The following POU2F2 variants were observed in gnomAD, a reference collection of about 807,000 sequenced individuals.
POU2F2 encodes the protein POU class 2 homeobox 2.
Under a neutral mutation model 63.5 loss-of-function variants are expected in POU2F2, and 14 were observed. The observed-to-expected ratio is 0.22, with a 90% CI of 0.15 to 0.34. The LOEUF is 0.34. Ranked by LOEUF, POU2F2 falls within the 10% of genes least tolerant of loss-of-function variation. The pLI is 1.00. For synonymous variants in POU2F2, 306 were observed against 348.6 expected (o/e 0.88, Z 1.36); for missense variants, 607 against 815.2 (o/e 0.74, Z 3.11).
In POU2F2 at chr19:42,122,392, G is replaced by A. The variant is rs901421277; in HGVS notation, c.95-14C>T. The A allele has an allele frequency of 4.3e-6, 7 of 1,612,442 alleles. No individual in the cohort carries two copies. The highest frequency in any genetic ancestry group is 5.9e-6 in the Non-Finnish European group (7 of 1,179,464). On this transcript the variant is annotated splice_polypyrimidine_tract_variant and intron_variant, in intron 2 of 14. Coordinates refer to ENST00000692977, the MANE Select transcript of POU2F2 (RefSeq NM_001394376.1). ...TTCTTTCGGTGTCTGCAAAGAGAGG[G>A]AAAGGATGTGTTGTCATCAGCCACC...
intron 2 of POU2F2, among the ~76,000 whole-genome samples, chr19:42,146,606 C>T (rs1394776752): frequency 6.6e-6 from 1 of 152,190 alleles, no homozygotes; most frequent in Non-Finnish European, 1.5e-5. Context: ...TACTCGCTCC[C>T]TACACCACCT....
At chr19:42,154,554 A>C (rs1426189912) in intron 2 of POU2F2, among the ~76,000 whole-genome samples, 1 of 152,042 alleles carries the variant, frequency 6.6e-6, no homozygotes, top group African/African-American at 2.4e-5. Flanking sequence ...ATAAAGAGAG[A>C]ACGGGGGCCA....
At position 42,099,698 on chromosome 19, in the gene POU2F2, C is replaced by G. The variant is rs1216039838; in HGVS notation, c.475+18G>C. The stretch of plus-strand genomic sequence containing the variant: ...TCTGTGGAGGCGTCAGGGAGGCCAT[C>G]TGGGGTGGGGGCCTTACCTGGCTGG... On this transcript the variant is annotated intron_variant, in intron 6 of 14. Transcript: ENST00000692977. 1 of 1,599,350 alleles carries G rather than the reference C, an allele frequency of 6.3e-7. No individual in the cohort carries two copies. Among genetic ancestry groups the G allele is most frequent in the Admixed American group, 1.7e-5 (1 of 57,290 alleles).
intron 1 of POU2F2, among the ~76,000 whole-genome samples, chr19:42,188,860 A>AAG (rs781367803): frequency 6.9e-6 from 1 of 144,878 alleles, no homozygotes; most frequent in Non-Finnish European, 1.5e-5. Flanking sequence ...AAGAGAGAGA[A>AAG]AGAAAGAAAG....
chr19:42,116,050 C>G (rs1279818510), intron 5 of POU2F2, among the ~76,000 whole-genome samples: 4 of 152,178 alleles, frequency 2.6e-5, no homozygotes, highest in Non-Finnish European at 5.9e-5. Context: ...TGGGAGGCTT[C>G]AGAGAGAGCA....
intron 2 of POU2F2, among the ~76,000 whole-genome samples, chr19:42,138,883 C>G (rs1455635959): frequency 6.6e-6 from 1 of 152,152 alleles, no homozygotes; most frequent in Non-Finnish European, 1.5e-5. Context: ...CAGAAGTCAG[C>G]AGATGCTTAA....
At chr19:42,191,128 T>C (rs1368289230) in intron 1 of POU2F2, among the ~76,000 whole-genome samples, 1 of 150,638 alleles carries the variant, frequency 6.6e-6, no homozygotes, top group Middle Eastern at 3.2e-3. Flanking sequence ...ATTGAGAGCA[T>C]ATGCTGGTCA....
intron 5 of POU2F2, among the ~76,000 whole-genome samples, chr19:42,107,606 C>T (rs1054847996): frequency 6.6e-6 from 1 of 152,156 alleles, no homozygotes; most frequent in Non-Finnish European, 1.5e-5. Context: ...GCTAATACTA[C>T]TGTTGTCTGT....
At chr19:42,135,434 G>A (rs1309517856), upstream of POU2F2, among the ~76,000 whole-genome samples, 1 of 151,902 alleles carries the variant, frequency 6.6e-6, no homozygotes, top group Non-Finnish European at 1.5e-5. Flanking sequence ...AAACAAGCAG[G>A]AAAACAGGAT....
rs952855409 is a variant in POU2F2 at position 42,087,554 on chromosome 19, C to T, written c.*3703G>A. 8.0e-5 allele frequency: 12 copies of T among 150,678 alleles called. No homozygotes were observed. Among genetic ancestry groups the T allele is most frequent in the African/African-American group, 2.9e-4 (12 of 40,906 alleles). 9.3% of individuals were successfully genotyped at this position (150,678 alleles called of 1,614,324 possible). A position where few individuals can be genotyped will look rare whatever the true frequency, so the allele number is the denominator to read the frequency against. ...CCACACACACACCCACCCCACCCCC[C>T]AGAAGAGAACAGAGAGAGGTGGTTT... On this transcript the variant is annotated 3_prime_UTR_variant, in exon 15 of 15. Coordinates refer to ENST00000692977, the MANE Select transcript of POU2F2 (RefSeq NM_001394376.1).
At chr19:42,150,642 G>A (rs990379642) in intron 2 of POU2F2, among the ~76,000 whole-genome samples, 1 of 144,460 alleles carries the variant, frequency 6.9e-6, no homozygotes, top group African/African-American at 2.5e-5. Context: ...CCTCCCCCCT[G>A]CACCCCCCTC....
At position 42,095,081 on chromosome 19, in the gene POU2F2, A is replaced by AG. The variant is rs1568976835; in HGVS notation, c.1197+204dup. ...TGTCTGGCTATGTCGGTGTGTATCT[A>AG]GGGGTGCTTGTATCCCCCATGTAAG... On this transcript the variant is annotated intron_variant, in intron 11 of 14. Transcript: ENST00000692977. This position sits in a 1 kb window ranked among gnomAD's most constrained non-coding sequence, Gnocchi z 7.1. Among the ~76,000 whole-genome samples the AG allele has an allele frequency of 6.6e-6, 1 of 152,108 alleles. No homozygotes were observed. The highest frequency in any genetic ancestry group is 1.5e-5 in the Non-Finnish European group (1 of 68,006).
chr19:42,180,582 G>A (rs2034949555), upstream of POU2F2, among the ~76,000 whole-genome samples: 1 of 152,270 alleles, frequency 6.6e-6, no homozygotes, highest in East Asian at 1.9e-4. Context: ...AGGATGTCCT[G>A]TTCCCTGCCT....
chr19:42,184,164 T>C (rs188243211), intron 1 of POU2F2, among the ~76,000 whole-genome samples: 2 of 152,174 alleles, frequency 1.3e-5, no homozygotes, highest in African/African-American at 4.8e-5. Context: ...CTAATTTTTG[T>C]ATTTTGTGGT....
intron 1 of POU2F2, among the ~76,000 whole-genome samples, chr19:42,167,455 C>G (rs556375544): frequency 6.6e-6 from 1 of 151,024 alleles, no homozygotes; most frequent in East Asian, 1.9e-4. Context: ...CTCTGTCCCC[C>G]CAAACTCCAA....
In POU2F2 at chr19:42,170,426, G is replaced by A. The variant is rs568642645; in HGVS notation, c.-70+5537C>T. On this transcript the variant is annotated intron_variant, in intron 1 of 6. Coordinates refer to the POU2F2 transcript ENST00000524801. ...TCCCCACCCCAACCTTCAACCCAAC[G>A]CCAAAAAAAAAAAAAAAATGCTCAA... Among the ~76,000 whole-genome samples, 44 of 136,054 alleles carry A rather than the reference G, an allele frequency of 3.2e-4. No individual in the cohort carries two copies. In the East Asian group the frequency reaches 8.5e-3, roughly 26 times the overall value. The allele number at this position is 136,054 out of a possible 152,430, so 89.3% of individuals were successfully genotyped here. A position where few individuals can be genotyped will look rare whatever the true frequency, so the allele number is the denominator to read the frequency against.
At chr19:42,125,587 A>C (rs531323544) in intron 1 of POU2F2, among the ~76,000 whole-genome samples, 10 of 152,108 alleles carry the variant, frequency 6.6e-5, no homozygotes, top group African/African-American at 2.2e-4. Flanking sequence ...GTTCACCCAG[A>C]CCTTAGCCCT....
chr19:42,196,964 G>A (rs954686277), upstream of POU2F2, among the ~76,000 whole-genome samples: 1 of 152,218 alleles, frequency 6.6e-6, no homozygotes, highest in Non-Finnish European at 1.5e-5. Context: ...ACGGAAGCAG[G>A]GGCAGAGCCT....
chr19:42,115,935 G>A (rs1438865698), intron 5 of POU2F2, among the ~76,000 whole-genome samples: 1 of 152,236 alleles, frequency 6.6e-6, no homozygotes, highest in Non-Finnish European at 1.5e-5. Flanking sequence ...ATGGCCATGT[G>A]ACGACAGAGG....
Sources: allele counts gnomAD v4.1 joint callset (sites outside exome capture counted in the v4.1 genomes callset), GRCh38; gene constraint gnomAD v4.1.1; non-coding constraint Gnocchi (gnomAD v3.1); transcripts MANE v1.5; gene names NCBI Gene and HGNC (gene_info 2026-07-23, HGNC 2026-07-21).